NRP2: variants seen among roughly 807,000 people sequenced by gnomAD.
The protein encoded by NRP2 is neuropilin 2, also known as neuropilin-2.
Under a neutral mutation model 110.4 loss-of-function variants are expected in NRP2, and 52 were observed. The observed-to-expected ratio is 0.47, with a 90% CI of 0.38 to 0.59. NRP2 has a LOEUF of 0.59. NRP2 is among the 20% of genes least tolerant of loss of function. NRP2 has a pLI of 0.00. For missense variants in NRP2, 1,049 were observed against 1,203.0 expected, an observed-to-expected ratio of 0.87 and a Z score of 1.89; for synonymous variants, 508 against 468.9, an observed-to-expected ratio of 1.08 and a Z score of -1.08.
intron 8 of NRP2, among the ~76,000 whole-genome samples, chr2:205,742,571 G>A (rs1269330743): frequency 1.3e-5 from 2 of 152,168 alleles, no homozygotes; most frequent in Non-Finnish European, 2.9e-5. Flanking sequence ...AAGCATTTGG[G>A]GTAATGGGAA....
At chr2:205,729,417 G>T (rs868196) in intron 7 of NRP2, among the ~76,000 whole-genome samples, 68,607 of 152,160 alleles carry the variant, frequency 0.45, 15,915 homozygotes, top group Middle Eastern at 0.56. Flanking sequence ...GCATCCGTTG[G>T]GAATGCCCAG....
At chr2:205,768,999 C>T (rs931191099) in intron 15 of NRP2, among the ~76,000 whole-genome samples, 31 of 152,302 alleles carry the variant, frequency 2.0e-4, no homozygotes, top group African/African-American at 7.2e-4. Flanking sequence ...CCACAGCATG[C>T]AACTCTGCCT....
chr2:205,704,065 C>T (rs940266119), intron 2 of NRP2, among the ~76,000 whole-genome samples: 6 of 152,188 alleles, frequency 3.9e-5, no homozygotes, highest in African/African-American at 1.4e-4. Flanking sequence ...TCTGCAGCCT[C>T]ATACCCTATG....
At chr2:205,769,083 T>C (rs951344275) in intron 15 of NRP2, among the ~76,000 whole-genome samples, 1 of 152,130 alleles carries the variant, frequency 6.6e-6, no homozygotes, top group Non-Finnish European at 1.5e-5. Context: ...ATACTATTCC[T>C]CTTATGGTCA....
chr2:205,705,980 T>G (rs1012406048), intron 2 of NRP2, among the ~76,000 whole-genome samples: 1 of 151,996 alleles, frequency 6.6e-6, no homozygotes, highest in Non-Finnish European at 1.5e-5. Context: ...GAGAGAGATC[T>G]CTTTCTGTGT....
chr2:205,782,699 G>C (rs1291309276), intron 15 of NRP2, among the ~76,000 whole-genome samples: 1 of 152,150 alleles, frequency 6.6e-6, no homozygotes, highest in Admixed American at 6.5e-5. Context: ...TATATTGGAT[G>C]ACTTGCTTCT....
intron 1 of NRP2, among the ~76,000 whole-genome samples, chr2:205,695,563 G>A (rs2056406466): frequency 6.6e-6 from 1 of 152,162 alleles, no homozygotes; most frequent in African/African-American, 2.4e-5. Context: ...TTACTAAACA[G>A]GAGCTCAGCT....
intron 1 of NRP2, among the ~76,000 whole-genome samples, chr2:205,684,354 A>G (rs1419042209): frequency 6.6e-6 from 1 of 152,206 alleles, no homozygotes; most frequent in Non-Finnish European, 1.5e-5. Context: ...AGCAGCTGCT[A>G]CAGGTGATTG....
chr2:205,744,567 CG>C (rs2057503481), intron 9 of NRP2, among the ~76,000 whole-genome samples: 1 of 152,196 alleles, frequency 6.6e-6, no homozygotes. Context: ...GGGGAGGAGA[CG>C]TCATACCTCT....
At chr2:205,732,807 A>G (rs966075391) in intron 7 of NRP2, among the ~76,000 whole-genome samples, 14 of 152,180 alleles carry the variant, frequency 9.2e-5, no homozygotes, top group Non-Finnish European at 1.8e-4. Flanking sequence ...CATCCATCCC[A>G]GCCTCACTGT....
At chr2:205,754,824 G>A (rs1575633902) in intron 12 of NRP2, among the ~76,000 whole-genome samples, 1 of 152,256 alleles carries the variant, frequency 6.6e-6, no homozygotes, top group East Asian at 1.9e-4. Context: ...GTGTGTCTGT[G>A]TGGTATGTAC....
At chr2:205,756,440 G>C (rs1410887776) in intron 12 of NRP2, 1 of 152,176 alleles carries the variant, frequency 6.6e-6, no homozygotes, top group Non-Finnish European at 1.5e-5. Flanking sequence ...CATAGGGCGG[G>C]CAGGTATCTA....
Position 205,686,322 on chromosome 2 carries a change from T to A in NRP2, c.73+2959T>A, listed in dbSNP as rs1439082865. Among the ~76,000 whole-genome samples, 1 of 152,044 alleles carries A rather than the reference T, an allele frequency of 6.6e-6. No individual in the cohort carries two copies. Among genetic ancestry groups the A allele is most frequent in the Non-Finnish European group, 1.5e-5 (1 of 68,008 alleles). On this transcript the variant is annotated intron_variant, in intron 1 of 16. Coordinates refer to ENST00000357785, the MANE Select transcript of NRP2 (RefSeq NM_003872.3). The surrounding 1 kb of genome is among the most constrained non-coding windows in gnomAD (Gnocchi z 4.7). ...AGTTAGGTCTCGGCTGCAGCGCTGGTCTCTGGAGAAGCCTCTGCCTGCAGC... is the reference window on the plus strand; with the variant it reads ...AGTTAGGTCTCGGCTGCAGCGCTGGACTCTGGAGAAGCCTCTGCCTGCAGC...
At chr2:205,762,415 C>G (rs146554173) in intron 12 of NRP2, 1 of 152,370 alleles carries the variant, frequency 6.6e-6, no homozygotes, top group African/African-American at 2.4e-5. Context: ...GCAGGATTAA[C>G]AACAGCAAAG....
At chr2:205,711,840 C>T (rs1265023565) in intron 2 of NRP2, among the ~76,000 whole-genome samples, 1 of 152,192 alleles carries the variant, frequency 6.6e-6, no homozygotes, top group East Asian at 1.9e-4. Flanking sequence ...GAGAGAAGGA[C>T]CTAAGCTTGG....
rs559554326 is a variant in NRP2, at chr2:205,694,734, T to C, written c.74-2810T>C. Among the ~76,000 whole-genome samples the C allele has an allele frequency of 1.6e-3, 248 of 152,334 alleles. 1 individual carries two copies. The highest frequency in any genetic ancestry group is 3.0e-3 in the Non-Finnish European group (206 of 68,030). Reference sequence around the variant, plus strand: ...TGGTATAGCTCTTCAGAAGAAATTTTAGCTAATTTCTATTGGGACATGTTT... The same window carrying C: ...TGGTATAGCTCTTCAGAAGAAATTTCAGCTAATTTCTATTGGGACATGTTT... On this transcript the variant is annotated intron_variant, in intron 1 of 16. Coordinates refer to ENST00000357785, the MANE Select transcript of NRP2 (RefSeq NM_003872.3).
chr2:205,734,196 C>A (rs985241333), intron 7 of NRP2, among the ~76,000 whole-genome samples: 1 of 151,438 alleles, frequency 6.6e-6, no homozygotes, highest in East Asian at 1.9e-4. Context: ...ATACATATAT[C>A]TATGTAAAGT....
chr2:205,701,756 T>C (rs746585816), intron 2 of NRP2, among the ~76,000 whole-genome samples: 1 of 152,204 alleles, frequency 6.6e-6, no homozygotes, highest in Non-Finnish European at 1.5e-5. Flanking sequence ...AGTGTCCAGA[T>C]ACTGAAATAT....
rs867179644 is a variant in NRP2 at position 205,749,783 on chromosome 2, C to A, written c.1845C>A (p.Thr615=). ...GPTVKSEETT[T]PYPTEEEATE... is the part of the protein sequence containing the mutation. ...CTGTGAAGAGCGAAGAGACAACCACCCCCTACCCCACCGAAGAGGAGGCCA... is the reference window on the plus strand; with the variant it reads ...CTGTGAAGAGCGAAGAGACAACCACACCCTACCCCACCGAAGAGGAGGCCA... The change falls in exon 11 of 17, where the codon ACC becomes ACA. Residue 615 remains threonine (T), a synonymous_variant. Transcript: ENST00000357785. The A allele has an allele frequency of 6.2e-7, 1 of 1,614,132 alleles. No homozygotes were observed. The highest frequency in any genetic ancestry group is 1.1e-5 in the South Asian group (1 of 91,070).
Sources: allele counts gnomAD v4.1 joint callset (sites outside exome capture counted in the v4.1 genomes callset), GRCh38; gene constraint gnomAD v4.1.1; non-coding constraint Gnocchi (gnomAD v3.1); transcripts MANE v1.5; gene names NCBI Gene and HGNC (gene_info 2026-07-23, HGNC 2026-07-21).